THSD4: variants seen among roughly 807,000 people sequenced by gnomAD.
THSD4 encodes the protein thrombospondin type-1 domain-containing protein 4.
THSD4 carries 69 observed loss-of-function variants against 119.0 expected under a neutral mutation model. The ratio of observed to expected loss-of-function variants is 0.58; its 90% CI spans 0.48 to 0.71. The LOEUF is 0.71. Ranked by LOEUF, THSD4 falls within the 30% of genes least tolerant of loss-of-function variation. The pLI is 0.00. For synonymous variants in THSD4, 524 were observed against 540.4 expected (o/e 0.97, Z 0.42); for missense variants, 1,393 against 1,391.1 (o/e 1.00, Z -0.02).
chr15:71,238,781 A>C (rs775509458), intron 4 of THSD4, among the ~76,000 whole-genome samples: 26 of 152,206 alleles, frequency 1.7e-4, no homozygotes, highest in Admixed American at 7.2e-4. Context: ...ATACAAATGT[A>C]TGTTTTCATT....
chr15:71,155,753 G>T (rs2040771152), intron 3 of THSD4, among the ~76,000 whole-genome samples: 1 of 152,100 alleles, frequency 6.6e-6, no homozygotes, highest in Non-Finnish European at 1.5e-5. Context: ...CCCCTGATAG[G>T]GAGTCATGAT....
intron 6 of THSD4, among the ~76,000 whole-genome samples, chr15:71,400,329 A>C (rs1213299762): frequency 6.6e-6 from 1 of 152,162 alleles, no homozygotes; most frequent in East Asian, 1.9e-4. Context: ...ACTTAGTCTC[A>C]CCCCTCTTCT....
At chr15:71,240,791 A>ATG (rs1567166366) in intron 4 of THSD4, among the ~76,000 whole-genome samples, 1 of 138,508 alleles carries the variant, frequency 7.2e-6, no homozygotes, top group Non-Finnish European at 1.5e-5. Context: ...TTTTATATAT[A>ATG]TGTGTATACA....
chr15:71,107,346 A>G (rs543829652), intron 1 of THSD4, among the ~76,000 whole-genome samples: 3 of 152,292 alleles, frequency 2.0e-5, no homozygotes, highest in African/African-American at 7.2e-5. Context: ...AGAAGGAAAG[A>G]AAAGAAAGAA....
chr15:71,584,195 C>A (rs959132321), intron 7 of THSD4, among the ~76,000 whole-genome samples: 1 of 142,710 alleles, frequency 7.0e-6, no homozygotes, highest in African/African-American at 2.6e-5. Flanking sequence ...GACTTAAAGT[C>A]TATTTTAAGT....
intron 3 of THSD4, chr15:71,185,288 G>A (rs1047639304): frequency 6.6e-6 from 1 of 151,806 alleles, no homozygotes; most frequent in African/African-American, 2.4e-5. Flanking sequence ...GAATTTTATT[G>A]TATTGAATAT....
chr15:71,222,007 A>G (rs1387949339), intron 4 of THSD4, among the ~76,000 whole-genome samples: 1 of 152,028 alleles, frequency 6.6e-6, no homozygotes, highest in South Asian at 2.1e-4. Context: ...GATGTTGAAC[A>G]TTTTTTTATG....
At chr15:71,289,694 A>G (rs1328725161) in intron 6 of THSD4, among the ~76,000 whole-genome samples, 4 of 152,188 alleles carry the variant, frequency 2.6e-5, no homozygotes, top group Non-Finnish European at 5.9e-5. Flanking sequence ...TGTTTTAAGA[A>G]CAGAGAATCA....
intron 6 of THSD4, among the ~76,000 whole-genome samples, chr15:71,371,952 A>G (rs770902120): frequency 2.6e-5 from 4 of 152,112 alleles, no homozygotes; most frequent in Admixed American, 6.5e-5. Flanking sequence ...ACATAGTCCC[A>G]TATTTCTTGG....
chr15:71,131,584 G>A (rs143964088), intron 1 of THSD4, among the ~76,000 whole-genome samples: 146 of 152,156 alleles, frequency 9.6e-4, no homozygotes, highest in African/African-American at 3.4e-3. Context: ...AATGAAAATC[G>A]ATTCCAACTT....
chr15:71,262,553 G>A (rs2044413179), intron 6 of THSD4, among the ~76,000 whole-genome samples: 1 of 152,166 alleles, frequency 6.6e-6, no homozygotes, highest in Non-Finnish European at 1.5e-5. Context: ...ATAGGCTATA[G>A]GGCATCAGAT....
intron 7 of THSD4, among the ~76,000 whole-genome samples, chr15:71,645,714 G>A (rs566162702): frequency 6.6e-6 from 1 of 152,292 alleles, no homozygotes; most frequent in African/African-American, 2.4e-5. Flanking sequence ...CAGCCTTTTG[G>A]TGCAACAGAA....
intron 8 of THSD4, among the ~76,000 whole-genome samples, chr15:71,675,480 C>T (rs1356087231): frequency 1.3e-5 from 2 of 152,176 alleles, no homozygotes; most frequent in Non-Finnish European, 2.9e-5. Flanking sequence ...AGGAACTGTG[C>T]TCAGTGGTGT....
At chr15:71,104,193 A>T (rs559712761) in intron 1 of THSD4, among the ~76,000 whole-genome samples, 1 of 148,700 alleles carries the variant, frequency 6.7e-6, no homozygotes, top group African/African-American at 2.5e-5. Context: ...TATGGCATTT[A>T]TTGTCTCCCC....
At chr15:71,531,485 A>G (rs1409335227) in intron 7 of THSD4, among the ~76,000 whole-genome samples, 1 of 152,232 alleles carries the variant, frequency 6.6e-6, no homozygotes, top group Non-Finnish European at 1.5e-5. Flanking sequence ...TCAAAAATGC[A>G]GTCAGTAAGA....
At chr15:71,264,413 G>A (rs1376430505) in intron 6 of THSD4, among the ~76,000 whole-genome samples, 1 of 152,158 alleles carries the variant, frequency 6.6e-6, no homozygotes, top group Non-Finnish European at 1.5e-5. Flanking sequence ...TACATGCCAG[G>A]GGATACCTGG....
intron 8 of THSD4, among the ~76,000 whole-genome samples, chr15:71,709,081 T>C (rs1351184046): frequency 3.9e-5 from 6 of 152,220 alleles, no homozygotes; most frequent in Non-Finnish European, 5.9e-5. Flanking sequence ...CTCTGCTACA[T>C]ACTAACCATG....
At chr15:71,496,830 T>C (rs2048024290) in intron 7 of THSD4, among the ~76,000 whole-genome samples, 1 of 152,060 alleles carries the variant, frequency 6.6e-6, no homozygotes, top group African/African-American at 2.4e-5. Context: ...CTGACATGGC[T>C]CCTCCCTTCT....
chr15:71,597,882 G>A (rs530296224), intron 7 of THSD4, among the ~76,000 whole-genome samples: 1 of 152,246 alleles, frequency 6.6e-6, no homozygotes, highest in South Asian at 2.1e-4. Flanking sequence ...AAGGAAGTGA[G>A]TTCAGACGCT....
Sources: allele counts gnomAD v4.1 joint callset (sites outside exome capture counted in the v4.1 genomes callset), GRCh38; gene constraint gnomAD v4.1.1; transcripts MANE v1.5; gene names NCBI Gene and HGNC (gene_info 2026-07-23, HGNC 2026-07-21).